The following ZNF385D variants were observed in gnomAD, a reference collection of about 807,000 sequenced individuals.
The protein encoded by ZNF385D is zinc finger protein 659.
ZNF385D carries 15 observed loss-of-function variants against 35.8 expected under a neutral mutation model. The observed-to-expected ratio is 0.42, with a 90% CI of 0.28 to 0.64. The LOEUF (loss-of-function observed/expected upper bound fraction) is 0.64, where lower values mean the gene tolerates loss of function less well. Ranked by LOEUF, ZNF385D falls within the 30% of genes least tolerant of loss-of-function variation. The pLI is 0.23. For synonymous variants in ZNF385D, 212 were observed against 186.8 expected (o/e 1.13, Z -1.10); for missense variants, 474 against 494.6 (o/e 0.96, Z 0.39).
At chr3:22,211,733 G>C (rs1352226804) in intron 2 of ZNF385D, among the ~76,000 whole-genome samples, 1 of 151,728 alleles carries the variant, frequency 6.6e-6, no homozygotes, top group Non-Finnish European at 1.5e-5. Context: ...AGTGAGAGAG[G>C]GCAAGAACAG....
chr3:21,960,022 C>CAAAAAAA (rs34894053), intron 3 of ZNF385D, among the ~76,000 whole-genome samples: 1 of 114,610 alleles, frequency 8.7e-6, no homozygotes, highest in African/African-American at 3.4e-5. Context: ...GCACAGCCTC[C>CAAAAAAA]AAAAAAAAAA....
chr3:21,461,731 C>A (rs1160531516), intron 4 of ZNF385D, among the ~76,000 whole-genome samples: 1 of 152,184 alleles, frequency 6.6e-6, no homozygotes, highest in African/African-American at 2.4e-5. Flanking sequence ...AGGTCTCTAG[C>A]CATTTGAAAT....
intron 2 of ZNF385D, among the ~76,000 whole-genome samples, chr3:21,620,998 G>A (rs773893549): frequency 2.1e-4 from 32 of 150,684 alleles, no homozygotes; most frequent in Non-Finnish European, 3.3e-4. Context: ...GTGTGTGTGC[G>A]CACACACACA....
At chr3:22,297,187 T>C (rs1456942395) in intron 2 of ZNF385D, among the ~76,000 whole-genome samples, 1 of 152,120 alleles carries the variant, frequency 6.6e-6, no homozygotes, top group Non-Finnish European at 1.5e-5. Context: ...GACTTGTTCC[T>C]AGTCTCAAGC....
At chr3:21,453,043 T>A (rs1702558673) in intron 4 of ZNF385D, among the ~76,000 whole-genome samples, 1 of 151,718 alleles carries the variant, frequency 6.6e-6, no homozygotes, top group African/African-American at 2.4e-5. Flanking sequence ...GAAATAGAAT[T>A]AAGAGTCTGG....
At chr3:22,080,738 G>A (rs572077401) in intron 3 of ZNF385D, among the ~76,000 whole-genome samples, 2 of 151,796 alleles carry the variant, frequency 1.3e-5, no homozygotes, top group South Asian at 2.1e-4. Context: ...AGTATTAAAA[G>A]GTAGGGCCTT....
chr3:21,615,185 G>A (rs1418391805), intron 2 of ZNF385D, among the ~76,000 whole-genome samples: 1 of 152,118 alleles, frequency 6.6e-6, no homozygotes, highest in Non-Finnish European at 1.5e-5. Flanking sequence ...CCTCACCATG[G>A]TAATGAGCTC....
intron 3 of ZNF385D, among the ~76,000 whole-genome samples, chr3:22,068,398 C>T (rs1700067790): frequency 1.3e-5 from 2 of 152,202 alleles, no homozygotes; most frequent in Non-Finnish European, 2.9e-5. Flanking sequence ...GTCCTTAAGT[C>T]CTATATCCAA....
chr3:21,729,187 G>T (rs1397858283), intron 1 of ZNF385D, among the ~76,000 whole-genome samples: 1 of 152,052 alleles, frequency 6.6e-6, no homozygotes, highest in Non-Finnish European at 1.5e-5. Flanking sequence ...TTTACTGATG[G>T]CAAAAATCAA....
chr3:21,634,877 A>G (rs764839379), intron 2 of ZNF385D, among the ~76,000 whole-genome samples: 4 of 151,970 alleles, frequency 2.6e-5, no homozygotes, highest in Non-Finnish European at 5.9e-5. Context: ...AGAGACAACA[A>G]TTGTCACTTA....
intron 3 of ZNF385D, among the ~76,000 whole-genome samples, chr3:22,006,456 T>G (rs1256533056): frequency 6.6e-6 from 1 of 152,138 alleles, no homozygotes; most frequent in Non-Finnish European, 1.5e-5. Flanking sequence ...GAAATGATTT[T>G]GAAGTGATCT....
intron 3 of ZNF385D, among the ~76,000 whole-genome samples, chr3:21,890,178 A>G (rs1698776417): frequency 6.6e-6 from 1 of 152,206 alleles, no homozygotes; most frequent in African/African-American, 2.4e-5. Flanking sequence ...TATTATGTGC[A>G]GGTTATATAA....
intron 3 of ZNF385D, among the ~76,000 whole-genome samples, chr3:22,005,688 G>A (rs1205631786): frequency 6.6e-6 from 1 of 152,002 alleles, no homozygotes; most frequent in Non-Finnish European, 1.5e-5. Context: ...ATACCCACTT[G>A]AGGAACTGTC....
At chr3:21,564,773 G>C in intron 2 of ZNF385D, 89 bp from the exon 3 acceptor site, 1 of 626,706 alleles carries the variant, frequency 1.6e-6, no homozygotes, top group Non-Finnish European at 2.6e-6. Flanking sequence ...GAACCAATCT[G>C]TACAGCTTCA....
intron 3 of ZNF385D, among the ~76,000 whole-genome samples, chr3:21,907,814 G>T (rs1267948847): frequency 6.6e-6 from 1 of 152,014 alleles, no homozygotes; most frequent in African/African-American, 2.4e-5. Context: ...TCACATCACT[G>T]CACCCTCCAG....
At chr3:21,910,788 C>T (rs909572897) in intron 3 of ZNF385D, among the ~76,000 whole-genome samples, 20 of 151,056 alleles carry the variant, frequency 1.3e-4, no homozygotes, top group East Asian at 3.9e-4. Context: ...AGATAAATTC[C>T]GTGAAAATAA....
chr3:21,995,224 G>A (rs938119675), intron 3 of ZNF385D, among the ~76,000 whole-genome samples: 1 of 152,190 alleles, frequency 6.6e-6, no homozygotes, highest in Non-Finnish European at 1.5e-5. Context: ...TATGTGGTAG[G>A]GGCCAATGGT....
intron 1 of ZNF385D, among the ~76,000 whole-genome samples, chr3:21,727,366 T>C (rs1193811825): frequency 6.6e-6 from 1 of 152,128 alleles, no homozygotes; most frequent in Non-Finnish European, 1.5e-5. Flanking sequence ...CAAAAGAAAC[T>C]ATCATCAGAG....
At chr3:21,832,752 G>T (rs1695079431) in intron 3 of ZNF385D, among the ~76,000 whole-genome samples, 1 of 152,132 alleles carries the variant, frequency 6.6e-6, no homozygotes, top group Non-Finnish European at 1.5e-5. Flanking sequence ...ATCATCTGTT[G>T]TTGGGTGTGA....
Sources: gnomAD v4.1 joint callset for allele counts (sites outside exome capture counted in the v4.1 genomes callset) on GRCh38, gnomAD v4.1.1 for gene constraint, MANE v1.5 for transcripts, NCBI Gene and HGNC (gene_info 2026-07-23, HGNC 2026-07-21) for gene names.